PMS1: variants seen among roughly 807,000 people sequenced by gnomAD.
PMS1 encodes the protein PMS1 protein homolog 1.
A neutral mutation model predicts 93.1 loss-of-function variants in PMS1; 79 were observed. That is an observed-to-expected ratio of 0.85 (90% CI 0.71 to 1.02). The LOEUF is 1.02. Ranked by LOEUF, PMS1 falls within the 50% of genes least tolerant of loss-of-function variation. The pLI is 0.00. For synonymous variants in PMS1, 335 were observed against 363.4 expected, an observed-to-expected ratio of 0.92 and a Z score of 0.89; for missense variants, 1,064 against 1,085.3, an observed-to-expected ratio of 0.98 and a Z score of 0.28.
intron 7 of PMS1, 56 bp from the exon 8 acceptor site, chr2:189,853,882 TA>T (rs2055047441): frequency 8.9e-7 from 1 of 1,128,242 alleles, no homozygotes; most frequent in African/African-American, 1.6e-5. Context: ...TGCTGGGTTT[TA>T]TTGTACTTTT....
At chr2:189,802,676 GA>G (rs1289926546) in intron 3 of PMS1, among the ~76,000 whole-genome samples, 1 of 152,212 alleles carries the variant, frequency 6.6e-6, no homozygotes, top group Non-Finnish European at 1.5e-5. Flanking sequence ...TTTGAAGATG[GA>G]AGTTGGGACT....
chr2:189,859,134 T>TG (rs771704171), intron 9 of PMS1, among the ~76,000 whole-genome samples: 2 of 152,194 alleles, frequency 1.3e-5, no homozygotes, highest in African/African-American at 4.8e-5. Flanking sequence ...CAAAGTTACT[T>TG]AATTTCCAAC....
chr2:189,855,267 C>T, intron 9 of PMS1, 139 bp downstream of exon 9: 1 of 679,190 alleles, frequency 1.5e-6, no homozygotes, highest in Non-Finnish European at 2.5e-6. Context: ...GATAGAGTAC[C>T]TTTTTTGGTA....
intron 6 of PMS1, 143 bp downstream of exon 6, chr2:189,844,223 A>G: frequency 7.3e-7 from 1 of 1,360,624 alleles, no homozygotes; most frequent in Non-Finnish European, 9.9e-7. Context: ...CAGTCAATAC[A>G]GAGCTTATGT....
At chr2:189,864,685 AAAATATATATATATATATATATATATAT>A (rs1248599984) in intron 10 of PMS1, among the ~76,000 whole-genome samples, 1 of 33,492 alleles carries the variant, frequency 3.0e-5, no homozygotes, top group Non-Finnish European at 5.1e-5. Flanking sequence ...AAAAAAAAAA[AAAATATATATATATATATATATATATAT>A]ATATATATAT....
chr2:189,821,835 TA>T (rs1018534757), intron 5 of PMS1, among the ~76,000 whole-genome samples: 8 of 152,172 alleles, frequency 5.3e-5, no homozygotes, highest in Admixed American at 1.3e-4. Context: ...AAATAATAGG[TA>T]AAAACAAGAT....
chr2:189,859,928 T>C (rs933821111), intron 9 of PMS1, among the ~76,000 whole-genome samples: 1 of 152,188 alleles, frequency 6.6e-6, no homozygotes, highest in African/African-American at 2.4e-5. Context: ...TACAAAAAAT[T>C]TTCCTTAATG....
intron 4 of PMS1, chr2:189,806,316 TC>T (rs1232424973): frequency 8.1e-6 from 2 of 248,174 alleles, no homozygotes; most frequent in Non-Finnish European, 1.6e-5. Flanking sequence ...ACGTATTGTT[TC>T]TACTTGTAAT....
At chr2:189,821,833 G>T (rs2051921304) in intron 5 of PMS1, among the ~76,000 whole-genome samples, 2 of 151,732 alleles carry the variant, frequency 1.3e-5, no homozygotes, top group Non-Finnish European at 2.9e-5. Flanking sequence ...ATAAATAATA[G>T]GTAAAAACAA....
At chr2:189,830,045 A>G (rs1215543290) in intron 5 of PMS1, among the ~76,000 whole-genome samples, 1 of 152,196 alleles carries the variant, frequency 6.6e-6, no homozygotes, top group African/African-American at 2.4e-5. Context: ...CAAAGCCTTT[A>G]TAAGCGGACT....
At chr2:189,830,614 ACTTTGGCT>A (rs2106369620) in intron 5 of PMS1, among the ~76,000 whole-genome samples, 1 of 152,246 alleles carries the variant, frequency 6.6e-6, no homozygotes, top group South Asian at 2.1e-4. Flanking sequence ...GAAGGGAAGG[ACTTTGGCT>A]CTTTTTTCAC....
At chr2:189,859,281 C>G (rs2055694466) in intron 9 of PMS1, among the ~76,000 whole-genome samples, 1 of 152,064 alleles carries the variant, frequency 6.6e-6, no homozygotes, top group Non-Finnish European at 1.5e-5. Context: ...TTTCTCACAA[C>G]AAAACTGAAG....
intron 5 of PMS1, among the ~76,000 whole-genome samples, chr2:189,843,142 C>G (rs866384406): frequency 5.2e-4 from 79 of 152,080 alleles, no homozygotes; most frequent in African/African-American, 1.9e-3. Context: ...CTCAGCCTCC[C>G]AAGTAGCTGG....
intron 5 of PMS1, among the ~76,000 whole-genome samples, chr2:189,821,246 G>A (rs545269973): frequency 1.3e-5 from 2 of 151,776 alleles, no homozygotes; most frequent in South Asian, 2.1e-4. Context: ...CACGAGGTCA[G>A]GAGATCGAGA....
chr2:189,873,679 G>A, intron 12 of PMS1, 23 bp downstream of exon 12: 1 of 1,560,078 alleles, frequency 6.4e-7, no homozygotes, highest in Non-Finnish European at 8.8e-7. Flanking sequence ...TTATATATAT[G>A]TTATTGTATA....
At chr2:189,810,980 C>CAA (rs67298187) in intron 4 of PMS1, among the ~76,000 whole-genome samples, 3,344 of 94,578 alleles carry the variant, frequency 0.035, 147 homozygotes, top group African/African-American at 0.1. Context: ...AATTAACAGA[C>CAA]AAAAAAAAAA....
At chr2:189,829,252 T>A (rs1425243757) in intron 5 of PMS1, among the ~76,000 whole-genome samples, 1 of 152,174 alleles carries the variant, frequency 6.6e-6, no homozygotes, top group Non-Finnish European at 1.5e-5. Flanking sequence ...AGATAAGATG[T>A]GAAAGTGTGT....
intron 3 of PMS1, among the ~76,000 whole-genome samples, chr2:189,796,918 T>C (rs889337748): frequency 6.6e-6 from 1 of 152,228 alleles, no homozygotes; most frequent in South Asian, 2.1e-4. Flanking sequence ...TGTCATATCA[T>C]AATTCTGTGT....
At chr2:189,829,449 C>T (rs1233297) in intron 5 of PMS1, among the ~76,000 whole-genome samples, 65,447 of 151,858 alleles carry the variant, frequency 0.43, 18,473 homozygotes, top group African/African-American at 0.82. Flanking sequence ...CTGTTTCTTG[C>T]CCCCTGGTGT....
Sources: allele counts gnomAD v4.1 joint callset (sites outside exome capture counted in the v4.1 genomes callset), GRCh38; gene constraint gnomAD v4.1.1; transcripts MANE v1.5; gene names NCBI Gene and HGNC (gene_info 2026-07-23, HGNC 2026-07-21).